MERTK: variants seen among roughly 807,000 people sequenced by gnomAD.
MERTK encodes MER proto-oncogene, tyrosine kinase.
Under a neutral mutation model 99.3 loss-of-function variants are expected in MERTK, and 69 were observed. The observed-to-expected ratio is 0.70, with a 90% CI of 0.57 to 0.85. The LOEUF (loss-of-function observed/expected upper bound fraction) is 0.85, where lower values mean the gene tolerates loss of function less well. MERTK is among the 40% of genes least tolerant of loss of function. The probability of loss-of-function intolerance (pLI) is 0.00; values close to 1 mark genes in which losing one functional copy is unlikely to be tolerated. For synonymous variants in MERTK, 426 were observed against 467.6 expected, an observed-to-expected ratio of 0.91 and a Z score of 1.15; for missense variants, 1,125 against 1,249.4, an observed-to-expected ratio of 0.90 and a Z score of 1.50.
chr2:112,003,291 C>CT (rs1481802428), intron 12 of MERTK, 104 bp downstream of exon 12: 12 of 662,906 alleles, frequency 1.8e-5, no homozygotes, highest in African/African-American at 1.6e-4. Flanking sequence ...TCTCAGGACT[C>CT]TGAGTTATAC....
At chr2:111,918,143 A>G (rs1193897368) in intron 1 of MERTK, among the ~76,000 whole-genome samples, 1 of 152,108 alleles carries the variant, frequency 6.6e-6, no homozygotes, top group Non-Finnish European at 1.5e-5. Flanking sequence ...CAGAGTTTTG[A>G]AAATGCTTAT....
At chr2:111,926,623 A>T (rs1684573338) in intron 1 of MERTK, among the ~76,000 whole-genome samples, 1 of 152,222 alleles carries the variant, frequency 6.6e-6, no homozygotes, top group African/African-American at 2.4e-5. Context: ...GCTACTCAGG[A>T]GGCTGAGGCA....
At chr2:111,989,230 G>C (rs1473419538) in intron 8 of MERTK, among the ~76,000 whole-genome samples, 1 of 152,182 alleles carries the variant, frequency 6.6e-6, no homozygotes, top group Non-Finnish European at 1.5e-5. Flanking sequence ...TTGTGTTGAT[G>C]CCTGTGAATT....
intron 2 of MERTK, among the ~76,000 whole-genome samples, chr2:111,936,057 C>T (rs947012811): frequency 1.6e-4 from 25 of 152,050 alleles, no homozygotes; most frequent in African/African-American, 5.3e-4. Context: ...GCTGGGAGTA[C>T]AGGCGCCCGC....
intron 4 of MERTK, among the ~76,000 whole-genome samples, chr2:111,957,385 G>GC (rs913026517): frequency 2.0e-5 from 3 of 151,848 alleles, no homozygotes; most frequent in African/African-American, 4.8e-5. Flanking sequence ...ACCTCCCCAG[G>GC]CCCCCGAGTA....
chr2:111,929,533 T>A lies in MERTK; in HGVS notation c.475T>A (p.Ser159Thr), dbSNP rs768990836. 35 of 1,611,876 alleles carry A rather than the reference T, an allele frequency of 2.2e-5. No individual in the cohort carries two copies. In the Admixed American group the frequency reaches 3.8e-4, roughly 18 times the overall value. Residue 159 changes from serine to threonine, a missense_variant, in exon 2 of 19, where the codon TCC (serine) becomes ACC (threonine). Physicochemically the swap from Ser to Thr is moderately conservative, Grantham distance 58. Transcript: ENST00000295408. ...PDDEVTAIIA[S>T]FSITSVQRSD... is the part of the protein sequence containing the mutation. ...TGATGAAGTTACAGCAATAATCGCT[T>A]CCTTCAGGTATGTGTTCTTTCTTCC... is the stretch of plus-strand genomic sequence containing the variant.
chr2:111,998,088 A>G (rs1046753782), intron 10 of MERTK, among the ~76,000 whole-genome samples: 2 of 152,174 alleles, frequency 1.3e-5, no homozygotes, highest in Non-Finnish European at 2.9e-5. Context: ...GAATGCTACT[A>G]GAACATCCCA....
At chr2:112,010,836 G>A (rs964685187) in intron 15 of MERTK, among the ~76,000 whole-genome samples, 1 of 152,180 alleles carries the variant, frequency 6.6e-6, no homozygotes, top group African/African-American at 2.4e-5. Context: ...GCCCAGCTAA[G>A]CAGGACGCCC....
intron 8 of MERTK, among the ~76,000 whole-genome samples, chr2:111,991,826 TG>T (rs1192119563): frequency 6.6e-6 from 1 of 152,172 alleles, no homozygotes; most frequent in Non-Finnish European, 1.5e-5. Flanking sequence ...TAGCCCTTGT[TG>T]TTTCCTAAGG....
intron 15 of MERTK, chr2:112,010,377 C>A (rs1398571753): frequency 6.1e-6 from 2 of 326,780 alleles, no homozygotes; most frequent in Non-Finnish European, 1.2e-5. Context: ...GCCGCATACT[C>A]CCCAGAGCTT....
At chr2:111,911,225 C>T (rs1021668003) in intron 1 of MERTK, among the ~76,000 whole-genome samples, 1 of 152,062 alleles carries the variant, frequency 6.6e-6, no homozygotes, top group Non-Finnish European at 1.5e-5. Flanking sequence ...TATAAAATTT[C>T]ATATAAATAG....
At chr2:112,017,436 C>G (rs1677240416) in intron 15 of MERTK, among the ~76,000 whole-genome samples, 1 of 152,240 alleles carries the variant, frequency 6.6e-6, no homozygotes, top group African/African-American at 2.4e-5. Flanking sequence ...TTGAGACTGG[C>G]CTGGCCAACA....
At chr2:111,988,036 C>CTGGAATGCAGTGGCACGATCT (rs1358126524) in intron 8 of MERTK, among the ~76,000 whole-genome samples, 5 of 147,900 alleles carry the variant, frequency 3.4e-5, no homozygotes, top group Admixed American at 6.8e-5. Flanking sequence ...GTCATTCAGG[C>CTGGAATGCAGTGGCACGATCT]TGGAATGCAG....
chr2:111,951,246 G>A (rs1199954639), intron 4 of MERTK, among the ~76,000 whole-genome samples: 1 of 151,828 alleles, frequency 6.6e-6, no homozygotes, highest in African/African-American at 2.4e-5. Flanking sequence ...TGTTAACTGT[G>A]CTGTACATTA....
At chr2:111,916,838 T>TG (rs1482685860) in intron 1 of MERTK, among the ~76,000 whole-genome samples, 1 of 152,222 alleles carries the variant, frequency 6.6e-6, no homozygotes, top group Non-Finnish European at 1.5e-5. Context: ...TTGCTCTGGC[T>TG]GGGGAAGAGG....
intron 1 of MERTK, among the ~76,000 whole-genome samples, chr2:111,907,656 A>G (rs1406816652): frequency 7.0e-6 from 1 of 143,232 alleles, no homozygotes; most frequent in Non-Finnish European, 1.6e-5. Context: ...GGAGTGGGGC[A>G]TATCCCCCCT....
intron 18 of MERTK, 198 bp downstream of exon 18, chr2:112,022,592 T>G (rs1177158111): frequency 1.2e-6 from 1 of 845,812 alleles, no homozygotes; most frequent in South Asian, 1.3e-5. Flanking sequence ...GTATCTCCAG[T>G]GAGCCCACTG....
chr2:111,964,190 A>G (rs116166579), intron 4 of MERTK, among the ~76,000 whole-genome samples: 23 of 152,110 alleles, frequency 1.5e-4, no homozygotes, highest in African/African-American at 5.1e-4. Flanking sequence ...AGGTTTGTCT[A>G]TTCTCTCCAA....
intron 1 of MERTK, among the ~76,000 whole-genome samples, chr2:111,901,142 T>A (rs938521483): frequency 5.0e-4 from 76 of 152,146 alleles, no homozygotes; most frequent in African/African-American, 1.8e-3. Context: ...TTCTGCTCAG[T>A]CTCTGATGGG....
Sources: allele counts gnomAD v4.1 joint callset (sites outside exome capture counted in the v4.1 genomes callset), GRCh38; gene constraint gnomAD v4.1.1; transcripts MANE v1.5; gene names NCBI Gene and HGNC (gene_info 2026-07-23, HGNC 2026-07-21).